CNTNAP2: variants seen among roughly 807,000 people sequenced by gnomAD.
CNTNAP2 encodes contactin associated protein 2, also known as contactin-associated protein-like 2.
CNTNAP2 carries 98 observed loss-of-function variants against 155.2 expected under a neutral mutation model. That is an observed-to-expected ratio of 0.63 (90% CI 0.54 to 0.75). CNTNAP2 has a LOEUF of 0.75. CNTNAP2 is among the 30% of genes least tolerant of loss of function. CNTNAP2 has a pLI of 0.00. For missense variants in CNTNAP2, 1,727 were observed against 1,688.1 expected (o/e 1.02, Z -0.40); for synonymous variants, 651 against 631.2 (o/e 1.03, Z -0.47).
intron 13 of CNTNAP2, among the ~76,000 whole-genome samples, chr7:147,842,624 G>A (rs561770470): frequency 1.1e-5 from 1 of 88,946 alleles, no homozygotes; most frequent in Non-Finnish European, 2.1e-5. Context: ...TAAGTTTTAG[G>A]GTACATGTGC....
At chr7:147,109,794 A>G (rs1460939461) in intron 5 of CNTNAP2, among the ~76,000 whole-genome samples, 4 of 152,202 alleles carry the variant, frequency 2.6e-5, no homozygotes, top group Admixed American at 1.3e-4. Flanking sequence ...AAGAACAGTT[A>G]GTTAACTGTT....
chr7:146,203,538 G>A (rs901217730), intron 1 of CNTNAP2, among the ~76,000 whole-genome samples: 4 of 152,094 alleles, frequency 2.6e-5, no homozygotes, highest in Admixed American at 1.3e-4. Context: ...CCAAGTGTTC[G>A]AATATCCGGA....
At chr7:147,902,573 C>G (rs1244337784) in intron 13 of CNTNAP2, among the ~76,000 whole-genome samples, 2 of 152,106 alleles carry the variant, frequency 1.3e-5, no homozygotes, top group African/African-American at 4.8e-5. Context: ...ACCCTTTCAC[C>G]CTGAGTCCCC....
chr7:146,911,980 G>A (rs1796293279), intron 3 of CNTNAP2, among the ~76,000 whole-genome samples: 2 of 151,928 alleles, frequency 1.3e-5, no homozygotes, highest in South Asian at 2.1e-4. Flanking sequence ...TGATTAAGAG[G>A]CATTTTTATA....
intron 8 of CNTNAP2, among the ~76,000 whole-genome samples, chr7:147,234,055 A>C (rs897302561): frequency 6.9e-5 from 10 of 145,776 alleles, no homozygotes; most frequent in Admixed American, 6.1e-4. Flanking sequence ...AAAAAAAAAA[A>C]CTCAAAAGAA....
intron 3 of CNTNAP2, among the ~76,000 whole-genome samples, chr7:146,940,297 C>T (rs978200846): frequency 6.6e-6 from 1 of 152,012 alleles, no homozygotes; most frequent in African/African-American, 2.4e-5. Context: ...CCTCTGCCTC[C>T]CGAGTTCTCT....
In CNTNAP2 at chr7:146,802,381, G is replaced by A. The variant is rs569695590; in HGVS notation, c.208+28000G>A. On this transcript the variant is annotated intron_variant, in intron 2 of 23. Transcript: ENST00000361727. ...GTCTTTCTGATTTCTGCTTTTGCTG[G>A]CAGTTTAGAAAATCACTGCTTATTT... is the stretch of plus-strand genomic sequence containing the variant. Among the ~76,000 whole-genome samples the A allele has an allele frequency of 2.0e-3, 303 of 152,224 alleles. 1 individual carries two copies. Among genetic ancestry groups the A allele is most frequent in the African/African-American group, 6.9e-3 (288 of 41,540 alleles).
intron 1 of CNTNAP2, among the ~76,000 whole-genome samples, chr7:146,202,538 A>G (rs1184860040): frequency 6.6e-6 from 1 of 152,184 alleles, no homozygotes; most frequent in Non-Finnish European, 1.5e-5. Flanking sequence ...AATCCAAACT[A>G]TATAGAAACC....
chr7:146,633,423 G>T (rs1799541899), intron 1 of CNTNAP2, among the ~76,000 whole-genome samples: 1 of 152,082 alleles, frequency 6.6e-6, no homozygotes, highest in African/African-American at 2.4e-5. Context: ...TACAGTAAAT[G>T]ACATTAAGGA....
intron 8 of CNTNAP2, among the ~76,000 whole-genome samples, chr7:147,217,069 TTTG>T (rs1281415638): frequency 6.6e-6 from 1 of 152,000 alleles, no homozygotes; most frequent in Non-Finnish European, 1.5e-5. Context: ...CAGGAGGATT[TTTG>T]TTGTTGTTGA....
chr7:147,449,577 G>C (rs1272772156), intron 10 of CNTNAP2, among the ~76,000 whole-genome samples: 1 of 152,126 alleles, frequency 6.6e-6, no homozygotes, highest in African/African-American at 2.4e-5. Flanking sequence ...ATTCAGTAAT[G>C]CCATTTCTCA....
At chr7:147,718,762 A>G (rs1382463034) in intron 13 of CNTNAP2, among the ~76,000 whole-genome samples, 2 of 152,162 alleles carry the variant, frequency 1.3e-5, no homozygotes, top group Admixed American at 1.3e-4. Context: ...CCATTTACAA[A>G]TATGACTGCT....
chr7:146,568,894 G>T (rs895417443), intron 1 of CNTNAP2, among the ~76,000 whole-genome samples: 2 of 151,850 alleles, frequency 1.3e-5, no homozygotes, highest in African/African-American at 4.8e-5. Context: ...TTATCCCAAG[G>T]TGTGACTGTT....
At chr7:146,211,824 T>C (rs900368066) in intron 1 of CNTNAP2, among the ~76,000 whole-genome samples, 1 of 152,080 alleles carries the variant, frequency 6.6e-6, no homozygotes, top group African/African-American at 2.4e-5. Flanking sequence ...ATTACAGTAA[T>C]GCTATTAAGG....
At chr7:146,821,586 A>G (rs1342235055) in intron 2 of CNTNAP2, among the ~76,000 whole-genome samples, 1 of 152,160 alleles carries the variant, frequency 6.6e-6, no homozygotes, top group Admixed American at 6.6e-5. Context: ...ACAAAGGGCT[A>G]ATATCCAGAA....
intron 1 of CNTNAP2, among the ~76,000 whole-genome samples, chr7:146,170,021 T>TTC (rs1554399169): frequency 6.8e-6 from 1 of 147,502 alleles, no homozygotes; most frequent in South Asian, 2.1e-4. Flanking sequence ...TTCTTTTCTT[T>TTC]TTTTTTTTTT....
chr7:148,003,717 T>G (rs1442210286), intron 15 of CNTNAP2, among the ~76,000 whole-genome samples: 1 of 152,254 alleles, frequency 6.6e-6, no homozygotes, highest in African/African-American at 2.4e-5. Flanking sequence ...TTCAAAAAAC[T>G]TCACAATTTG....
chr7:148,406,670 A>C (rs936239115), intron 22 of CNTNAP2, among the ~76,000 whole-genome samples: 8 of 152,360 alleles, frequency 5.3e-5, no homozygotes, highest in Middle Eastern at 3.4e-3. Flanking sequence ...TGTCCAGAGA[A>C]GAGTAATTAT....
At chr7:147,679,510 T>C (rs1002717851) in intron 13 of CNTNAP2, among the ~76,000 whole-genome samples, 9 of 152,052 alleles carry the variant, frequency 5.9e-5, no homozygotes, top group African/African-American at 1.9e-4. Context: ...TCTAAAAATA[T>C]GGCCACGTTG....
Sources: gnomAD v4.1 joint callset for allele counts (sites outside exome capture counted in the v4.1 genomes callset) on GRCh38, gnomAD v4.1.1 for gene constraint, MANE v1.5 for transcripts, NCBI Gene and HGNC (gene_info 2026-07-23, HGNC 2026-07-21) for gene names.